ARID4A: variants seen among roughly 807,000 people sequenced by gnomAD.
ARID4A encodes the protein AT-rich interactive domain-containing protein 4A.
ARID4A carries 39 observed loss-of-function variants against 148.6 expected under a neutral mutation model. That is an observed-to-expected ratio of 0.26 (90% confidence interval 0.20 to 0.34). The LOEUF is 0.34. Ranked by LOEUF, ARID4A falls within the 10% of genes least tolerant of loss-of-function variation. ARID4A has a pLI of 1.00. For synonymous variants in ARID4A, 475 were observed against 481.2 expected, an observed-to-expected ratio of 0.99 and a Z score of 0.17; for missense variants, 1,265 against 1,449.1, an observed-to-expected ratio of 0.87 and a Z score of 2.06.
chr14:58,371,945 T>C lies in ARID4A; in HGVS notation c.3730T>C (p.Ser1244Pro). ...ATCAGACACTGGAATGAGTCCCTCATCATCATCTCCCCCACAAAATGTACT... is the reference window on the plus strand; with the variant it reads ...ATCAGACACTGGAATGAGTCCCTCACCATCATCTCCCCCACAAAATGTACT... ...ASSDTGMSPS[S>P]SSPPQNVLAV... The change falls in exon 24 of 24, where the codon TCA (serine) becomes CCA (proline). Residue 1244 changes from serine (S) to proline (P), a missense_variant. Around this residue, in one of 9 missense-constraint regions of ARID4A, gnomAD observed 666 missense variants for 730.9 expected, o/e 0.91. Transcript: ENST00000355431. 1 of 1,613,014 alleles carries C rather than the reference T, an allele frequency of 6.2e-7. No homozygotes were observed.
In ARID4A at chr14:58,323,674, A is replaced by AT. The variant is rs1041648362; in HGVS notation, c.582+64dup. ...CCGTCTAAATATTTGTTTTAAATGG[A>AT]TTTTTTTAAAAGCATTTAAAATATT... is the stretch of plus-strand genomic sequence containing the variant. On this transcript the variant is annotated intron_variant, in intron 8 of 23. Coordinates refer to ENST00000355431, the MANE Select transcript of ARID4A (RefSeq NM_002892.4). 4.1e-6 allele frequency: 6 copies of AT among 1,463,394 alleles called. No homozygotes were observed. The African/African-American group carries it at 4.3e-5, about 10-fold the overall frequency. The allele number at this position is 1,463,394 out of a possible 1,614,324, so 90.7% of individuals were successfully genotyped here. A position where few individuals can be genotyped will look rare whatever the true frequency, so the allele number is the denominator to read the frequency against.
At chr14:58,346,266 T>C (rs1415919749) in intron 12 of ARID4A, 145 bp from the exon 13 acceptor site, 7 of 372,462 alleles carry the variant, frequency 1.9e-5, no homozygotes, top group Non-Finnish European at 3.4e-5. Context: ...AGAATTATCT[T>C]GTGTTGTTTT....
intron 20 of ARID4A, 46 bp downstream of exon 20, chr14:58,365,346 A>G (rs769970445): frequency 1.9e-6 from 3 of 1,544,790 alleles, no homozygotes; most frequent in Admixed American, 2.1e-5. Flanking sequence ...GAAACCAAAA[A>G]TCAAAACTGT....
chr14:58,365,750 C>G, intron 21 of ARID4A, 128 bp downstream of exon 21: 3 of 862,524 alleles, frequency 3.5e-6, no homozygotes, highest in Non-Finnish European at 5.2e-6. Flanking sequence ...CAGTATTATA[C>G]TAGATATTTT....
At chr14:58,317,977 A>G (rs1382904312) in intron 5 of ARID4A, among the ~76,000 whole-genome samples, 5 of 152,106 alleles carry the variant, frequency 3.3e-5, no homozygotes, top group South Asian at 2.1e-4. Context: ...TTATTAAAAA[A>G]AAAAAAAGTT....
In ARID4A at chr14:58,347,857, G is replaced by T; in HGVS notation, c.1383G>T (p.Glu461Asp). 1 of 1,611,134 alleles carries T rather than the reference G, an allele frequency of 6.2e-7. No homozygotes were observed. Among genetic ancestry groups the T allele is most frequent in the Non-Finnish European group, 8.5e-7 (1 of 1,178,698 alleles). Residue 461 changes from glutamate (E) to aspartate (D), a missense_variant, in exon 15 of 24, where the codon GAG (glutamate) becomes GAT (aspartate). Glu to Asp is a conservative substitution (Grantham distance 45, BLOSUM62 2). Transcript: ENST00000355431. Reference protein sequence around the residue: ...IDSNSESEREEIELKSPRGRR... With the variant: ...IDSNSESEREDIELKSPRGRR... ...CAAACAGTGAAAGTGAAAGAGAAGA[G>T]ATAGAATTAAAATCTCCGAGGGTGA...
chr14:58,339,774 G>T (rs1023571659), intron 11 of ARID4A, among the ~76,000 whole-genome samples: 1 of 152,034 alleles, frequency 6.6e-6, no homozygotes, highest in Non-Finnish European at 1.5e-5. Flanking sequence ...CATGGCTGGG[G>T]AGGCCTCAGG....
Position 58,373,272 on chromosome 14 carries a change from C to T in ARID4A, c.*1283C>T, listed in dbSNP as rs2035680535. The T allele has an allele frequency of 5.1e-6, 1 of 196,670 alleles. No homozygotes were observed. The highest frequency in any genetic ancestry group is 2.3e-5 in the African/African-American group (1 of 43,266). The allele number at this position is 196,670 out of a possible 1,614,324, so 12.2% of individuals were successfully genotyped here. On this transcript the variant is annotated 3_prime_UTR_variant, in exon 24 of 24. Transcript: ENST00000355431. ...ATGTATGCTTTGTCTGTGAATTGTTCCACAGACTGATAGATTTTGTAAATA... is the reference window on the plus strand; with the variant it reads ...ATGTATGCTTTGTCTGTGAATTGTTTCACAGACTGATAGATTTTGTAAATA...
chr14:58,318,682 G>T lies in ARID4A; in HGVS notation c.355-29G>T, dbSNP rs764818702. 5.0e-6 allele frequency: 8 copies of T among 1,612,790 alleles called. No homozygotes were observed. The African/African-American group carries it at 9.3e-5, about 19-fold the overall frequency. On this transcript the variant is annotated intron_variant, in intron 6 of 23. Coordinates refer to ENST00000355431, the MANE Select transcript of ARID4A (RefSeq NM_002892.4). ...ACAGGTACTGATCTAGAGGTAAAAC[G>T]TAATTTAATTAATCTATTTCTTATA... is the stretch of plus-strand genomic sequence containing the variant.
intron 11 of ARID4A, among the ~76,000 whole-genome samples, chr14:58,332,198 G>GT (rs1030975532): frequency 2.0e-5 from 3 of 152,076 alleles, no homozygotes; most frequent in Non-Finnish European, 2.9e-5. Context: ...GCAAAGCTCT[G>GT]TTACCTATTG....
At position 58,366,046 on chromosome 14, in the gene ARID4A, T is replaced by A. The variant is rs979667824; in HGVS notation, c.3339T>A (p.Asp1113Glu). 1.9e-6 allele frequency: 3 copies of A among 1,612,966 alleles called. No individual in the cohort carries two copies. The highest frequency in any genetic ancestry group is 2.7e-5 in the African/African-American group (2 of 74,892). Reference sequence around the variant, plus strand: ...TAGGACAAAGCAGTGATAGTGAAGATCTTCCTGTCCTAGACAATTCAAGTA... The same window carrying A: ...TAGGACAAAGCAGTGATAGTGAAGAACTTCCTGTCCTAGACAATTCAAGTA... Reference protein sequence around the residue: ...NGTGQSSDSEDLPVLDNSSKC... With the variant: ...NGTGQSSDSEELPVLDNSSKC... The change falls in exon 22 of 24, where the codon GAT becomes GAA. Residue 1113 changes from aspartate to glutamate, a missense_variant. This residue lies in a region of ARID4A where 666 missense variants were observed against 730.9 expected (regional missense o/e 0.91). Transcript: ENST00000355431.
At chr14:58,359,932 G>A (rs1382783856) in intron 18 of ARID4A, among the ~76,000 whole-genome samples, 1 of 152,134 alleles carries the variant, frequency 6.6e-6, no homozygotes, top group East Asian at 1.9e-4. Flanking sequence ...CGGTCGTGGT[G>A]GCCGGCGCCT....
intron 23 of ARID4A, among the ~76,000 whole-genome samples, chr14:58,371,278 A>C (rs1174178827): frequency 6.6e-6 from 1 of 152,214 alleles, no homozygotes; most frequent in Non-Finnish European, 1.5e-5. Flanking sequence ...AGGCAAAGAA[A>C]GGCAGAAGAC....
chr14:58,335,817 C>T (rs911360635), intron 11 of ARID4A, among the ~76,000 whole-genome samples: 1 of 152,288 alleles, frequency 6.6e-6, no homozygotes, highest in South Asian at 2.1e-4. Flanking sequence ...ATACCCAGTC[C>T]ATTCTCTTCT....
intron 16 of ARID4A, among the ~76,000 whole-genome samples, chr14:58,352,545 A>C (rs1160485801): frequency 6.6e-6 from 1 of 152,130 alleles, no homozygotes; most frequent in Non-Finnish European, 1.5e-5. Context: ...TTTAGAGAAA[A>C]TTTCACAGAC....
rs763678025 is a variant in ARID4A at position 58,330,163 on chromosome 14, A to G, written c.900A>G (p.Glu300=). The G allele has an allele frequency of 2.5e-6, 4 of 1,611,202 alleles. No individual in the cohort carries two copies. In the East Asian group the frequency reaches 6.7e-5, roughly 27 times the overall value. Residue 300 remains glutamate (E), a synonymous_variant, in exon 11 of 24, where the codon GAA becomes GAG. Coordinates refer to ENST00000355431, the MANE Select transcript of ARID4A (RefSeq NM_002892.4). ...AAAAGGAGGCCAAAAAGACAGAAGAAGAGGTGGTAGGTGTAATTTCATGTT... is the reference window on the plus strand; with the variant it reads ...AAAAGGAGGCCAAAAAGACAGAAGAGGAGGTGGTAGGTGTAATTTCATGTT... The part of the protein sequence containing the change: ...EKEKEAKKTE[E]EVPEEELDPE...
intron 11 of ARID4A, among the ~76,000 whole-genome samples, chr14:58,343,134 A>C (rs1939814287): frequency 6.6e-6 from 1 of 152,236 alleles, no homozygotes; most frequent in Non-Finnish European, 1.5e-5. Flanking sequence ...TTATAAAAGC[A>C]AGATTTTTAA....
chr14:58,364,104 T>C, intron 19 of ARID4A, 66 bp from the exon 20 acceptor site: 2 of 868,502 alleles, frequency 2.3e-6, no homozygotes, highest in East Asian at 3.4e-5. Context: ...TTTGGTAAGA[T>C]TTTTATTGTA....
At chr14:58,350,992 G>A in intron 15 of ARID4A, 81 bp from the exon 16 acceptor site, 1 of 1,427,486 alleles carries the variant, frequency 7.0e-7, no homozygotes, top group Non-Finnish European at 9.4e-7. Flanking sequence ...TTGCTATGAA[G>A]GTTAAAGGAA....
Sources: allele counts gnomAD v4.1 joint callset (sites outside exome capture counted in the v4.1 genomes callset), GRCh38; gene constraint gnomAD v4.1.1; regional missense constraint gnomAD v4.1.1; transcripts MANE v1.5; gene names NCBI Gene and HGNC (gene_info 2026-07-23, HGNC 2026-07-21).